The following CFAP44 variants were observed in gnomAD, a reference collection of about 807,000 sequenced individuals.
The protein encoded by CFAP44 is cilia and flagella associated protein 44.
In CFAP44, 134 loss-of-function variants were observed where a neutral mutation model predicts 216.2. That is an observed-to-expected ratio of 0.62 (90% confidence interval 0.54 to 0.72). The LOEUF (loss-of-function observed/expected upper bound fraction) is 0.72. Among genes scored for constraint, CFAP44 ranks in the 30% least tolerant of loss-of-function variants. CFAP44 has a pLI of 0.00. For synonymous variants in CFAP44, 700 were observed against 727.6 expected, an observed-to-expected ratio of 0.96 and a Z score of 0.61; for missense variants, 2,035 against 2,182.1, an observed-to-expected ratio of 0.93 and a Z score of 1.34.
chr3:113,375,945 G>GT (rs1443677913), intron 17 of CFAP44, among the ~76,000 whole-genome samples: 7 of 151,096 alleles, frequency 4.6e-5, no homozygotes, highest in South Asian at 4.2e-4. Context: ...TCAATAGAAG[G>GT]TAAAAAAAAG....
chr3:113,427,415 AT>A (rs1253184742), intron 2 of CFAP44, 76 bp from the exon 3 acceptor site: 27 of 1,152,422 alleles, frequency 2.3e-5, no homozygotes, highest in Non-Finnish European at 3.2e-5. Flanking sequence ...AAAACTTCCA[AT>A]TTCCTTGTGC....
At chr3:113,347,917 C>A (rs1950403132) in intron 22 of CFAP44, among the ~76,000 whole-genome samples, 2 of 152,150 alleles carry the variant, frequency 1.3e-5, no homozygotes, top group Non-Finnish European at 2.9e-5. Context: ...GCCACTAAAT[C>A]CGATTTTTCT....
chr3:113,433,274 C>A (rs1935151756), intron 2 of CFAP44, among the ~76,000 whole-genome samples: 1 of 151,300 alleles, frequency 6.6e-6, no homozygotes, highest in Non-Finnish European at 1.5e-5. Context: ...ACTAAAAATA[C>A]AAAAATTGGC....
chr3:113,333,429 C>G lies in CFAP44; in HGVS notation c.3592G>C (p.Glu1198Gln). ...ACCAAAGAATCTAGGTGTCCTAGTT[C>G]CTCTTCCTTCTTGGCAGCATTTATT... ...MRINAAKKEE[E>Q]LGHLDSLVHG... The change falls in exon 25 of 35, where the codon GAA becomes CAA. Residue 1198 changes from glutamate (E) to glutamine (Q), a missense_variant. Coordinates refer to ENST00000393845, the MANE Select transcript of CFAP44 (RefSeq NM_001164496.2). 6.5e-7 allele frequency: 1 copy of G among 1,536,940 alleles called. No homozygotes were observed. The highest frequency in any genetic ancestry group is 8.7e-7 in the Non-Finnish European group (1 of 1,146,788).
At chr3:113,353,890 A>C (rs1274871078) in intron 22 of CFAP44, among the ~76,000 whole-genome samples, 1 of 152,174 alleles carries the variant, frequency 6.6e-6, no homozygotes, top group African/African-American at 2.4e-5. Context: ...CTGGGAAAAG[A>C]AACACCTGAA....
intron 26 of CFAP44, among the ~76,000 whole-genome samples, chr3:113,329,644 G>T (rs1950223284): frequency 6.6e-6 from 1 of 152,162 alleles, no homozygotes; most frequent in Non-Finnish European, 1.5e-5. Context: ...GCCCTAGTCT[G>T]GTCCTGAATT....
intron 22 of CFAP44, among the ~76,000 whole-genome samples, chr3:113,345,557 C>T (rs1950373340): frequency 6.6e-6 from 1 of 152,066 alleles, no homozygotes; most frequent in Admixed American, 6.5e-5. Context: ...AATGAAAGTC[C>T]CAATCTATCA....
rs968704696 is a variant in CFAP44 at position 113,290,295 on chromosome 3, G to T, written c.*1262C>A. ...CTGACCTCTTAAATAGGAATATGAA[G>T]GAATCTTAGGAAGACAATAGGCCAA... On this transcript the variant is annotated 3_prime_UTR_variant, in exon 35 of 35. Coordinates refer to ENST00000393845, the MANE Select transcript of CFAP44 (RefSeq NM_001164496.2). 1.3e-5 allele frequency: 2 copies of T among 152,152 alleles called. No individual in the cohort carries two copies. The highest frequency in any genetic ancestry group is 2.9e-5 in the Non-Finnish European group (2 of 68,030). 9.4% of individuals were successfully genotyped at this position (152,152 alleles called of 1,614,324 possible). A position where few individuals can be genotyped will look rare whatever the true frequency, so the allele number is the denominator to read the frequency against.
At chr3:113,420,946 TTGTG>T (rs1386775837) in intron 4 of CFAP44, among the ~76,000 whole-genome samples, 1 of 152,068 alleles carries the variant, frequency 6.6e-6, no homozygotes, top group African/African-American at 2.4e-5. Context: ...ATGTATGTGT[TTGTG>T]TGTATGTATG....
chr3:113,330,732 G>A lies in CFAP44; in HGVS notation c.3616-64C>T, dbSNP rs115284660. 10,000 of 1,449,088 alleles carry A rather than the reference G, an allele frequency of 6.9e-3. 38 individuals carry two copies. Among genetic ancestry groups the A allele is most frequent in the Non-Finnish European group, 8.3e-3 (9,147 of 1,108,044 alleles). 89.8% of individuals were successfully genotyped at this position (1,449,088 alleles called of 1,614,324 possible). On this transcript the variant is annotated intron_variant, in intron 25 of 34. Transcript: ENST00000393845. ...TCTGACAAATAACTGTATGGAATAT[G>A]ATCTGCTCTTTTCTGTTGCTGAAAG... is the stretch of plus-strand genomic sequence containing the variant.
At chr3:113,429,950 T>C (rs1448623659) in intron 2 of CFAP44, among the ~76,000 whole-genome samples, 1 of 152,106 alleles carries the variant, frequency 6.6e-6, no homozygotes, top group Non-Finnish European at 1.5e-5. Context: ...AAGACATAGA[T>C]GATCTGAACA....
intron 28 of CFAP44, among the ~76,000 whole-genome samples, chr3:113,308,517 CAGTT>C (rs1950007631): frequency 6.6e-6 from 1 of 152,180 alleles, no homozygotes; most frequent in Non-Finnish European, 1.5e-5. Flanking sequence ...ACCTAAAACA[CAGTT>C]AGTGAAACAG....
chr3:113,350,716 G>T (rs1019358598), intron 22 of CFAP44, among the ~76,000 whole-genome samples: 1 of 152,210 alleles, frequency 6.6e-6, no homozygotes, highest in Non-Finnish European at 1.5e-5. Flanking sequence ...TGGCTGCTTT[G>T]CTAGCAGAAG....
At chr3:113,438,139 T>A (rs1935279068) in intron 1 of CFAP44, among the ~76,000 whole-genome samples, 1 of 152,214 alleles carries the variant, frequency 6.6e-6, no homozygotes, top group Non-Finnish European at 1.5e-5. Flanking sequence ...TGAGTTTATA[T>A]AAAACACCTA....
chr3:113,338,652 C>T lies in CFAP44; in HGVS notation c.3437+3092G>A, dbSNP rs142416772. ...AAGTAACATAACATCTCTCCAGGAA[C>T]GTTCAAACATTTGGGTGAAATTCTG... On this transcript the variant is annotated intron_variant, in intron 24 of 34. Coordinates refer to ENST00000393845, the MANE Select transcript of CFAP44 (RefSeq NM_001164496.2). 1.5e-3 allele frequency among the ~76,000 whole-genome samples: 227 copies of T among 152,182 alleles called. 1 individual carries two copies. The highest frequency in any genetic ancestry group is 5.2e-3 in the African/African-American group (214 of 41,516).
At chr3:113,318,547 T>A (rs569886148) in intron 28 of CFAP44, among the ~76,000 whole-genome samples, 88 of 152,198 alleles carry the variant, frequency 5.8e-4, no homozygotes, top group South Asian at 1.2e-3. Flanking sequence ...ATTAGAGAGT[T>A]TGAAATACAA....
At chr3:113,423,647 A>G (rs2107399006) in intron 4 of CFAP44, among the ~76,000 whole-genome samples, 1 of 152,346 alleles carries the variant, frequency 6.6e-6, no homozygotes, top group South Asian at 2.1e-4. Context: ...AATTGTTTAA[A>G]CACTGTTAAG....
chr3:113,317,565 C>G (rs1576544851), intron 28 of CFAP44, among the ~76,000 whole-genome samples: 2 of 152,318 alleles, frequency 1.3e-5, no homozygotes, highest in South Asian at 4.1e-4. Context: ...AACCACGAAG[C>G]AAATTGGATC....
chr3:113,430,571 G>A (rs1935081988), intron 2 of CFAP44, among the ~76,000 whole-genome samples: 1 of 151,872 alleles, frequency 6.6e-6, no homozygotes, highest in South Asian at 2.1e-4. Context: ...AATGAAAACA[G>A]ATCCTACAAA....
Sources: gnomAD v4.1 joint callset for allele counts (sites outside exome capture counted in the v4.1 genomes callset) on GRCh38, gnomAD v4.1.1 for gene constraint, MANE v1.5 for transcripts, NCBI Gene and HGNC (gene_info 2026-07-23, HGNC 2026-07-21) for gene names.